KCTD3: variants seen among roughly 807,000 people sequenced by gnomAD.
KCTD3 encodes the protein BTB/POZ domain-containing protein KCTD3.
Under a neutral mutation model 85.8 loss-of-function variants are expected in KCTD3, and 41 were observed. The observed-to-expected ratio is 0.48, with a 90% confidence interval of 0.37 to 0.62. The LOEUF (loss-of-function observed/expected upper bound fraction) is 0.62. Ranked by LOEUF, KCTD3 falls within the 20% of genes least tolerant of loss-of-function variation. KCTD3 has a pLI of 0.00. For synonymous variants in KCTD3, 338 were observed against 345.4 expected (o/e 0.98, Z 0.24); for missense variants, 724 against 989.9 (o/e 0.73, Z 3.60).
At chr1:215,604,586 A>C (rs1475278075) in intron 13 of KCTD3, among the ~76,000 whole-genome samples, 1 of 152,092 alleles carries the variant, frequency 6.6e-6, no homozygotes, top group African/African-American at 2.4e-5. Flanking sequence ...CCTCTACCAA[A>C]AAAGAGGAAA....
chr1:215,619,431 AAC>A (rs1207823084), intron 17 of KCTD3, 140 bp downstream of exon 17: 1 of 729,164 alleles, frequency 1.4e-6, no homozygotes, highest in East Asian at 2.8e-5. Context: ...TTAACTTTTT[AAC>A]AGTTTTACCA....
chr1:215,591,774 C>A (rs1660236310), intron 9 of KCTD3, among the ~76,000 whole-genome samples: 1 of 152,224 alleles, frequency 6.6e-6, no homozygotes, highest in Non-Finnish European at 1.5e-5. Flanking sequence ...TCCCTTCCTT[C>A]TTGTACTGTA....
intron 4 of KCTD3, among the ~76,000 whole-genome samples, chr1:215,576,555 C>G (rs1571872369): frequency 1.3e-5 from 2 of 152,040 alleles, no homozygotes; most frequent in East Asian, 3.9e-4. Flanking sequence ...TACTGCTGTA[C>G]TGTTAACACA....
chr1:215,614,809 T>A (rs905228612), intron 15 of KCTD3, among the ~76,000 whole-genome samples: 5 of 152,234 alleles, frequency 3.3e-5, no homozygotes, highest in African/African-American at 4.8e-5. Context: ...ATGGCTGCAT[T>A]TTCAACATAT....
intron 14 of KCTD3, among the ~76,000 whole-genome samples, chr1:215,611,085 G>C (rs1046498306): frequency 2.6e-5 from 4 of 151,930 alleles, no homozygotes; most frequent in African/African-American, 9.6e-5. Context: ...TTATGTTTAA[G>C]TTTTAAACAA....
chr1:215,606,122 C>T (rs940614150), intron 13 of KCTD3, among the ~76,000 whole-genome samples: 1 of 152,192 alleles, frequency 6.6e-6, no homozygotes. Context: ...TGATAACACT[C>T]TAACCTGTTG....
intron 9 of KCTD3, among the ~76,000 whole-genome samples, chr1:215,588,375 A>G (rs1309173133): frequency 1.3e-5 from 2 of 151,522 alleles, no homozygotes; most frequent in East Asian, 2.0e-4. Context: ...TAAGACCATT[A>G]CATTCTCTGC....
intron 15 of KCTD3, among the ~76,000 whole-genome samples, chr1:215,613,544 T>A (rs1446060415): frequency 6.6e-6 from 1 of 152,220 alleles, no homozygotes; most frequent in Non-Finnish European, 1.5e-5. Flanking sequence ...TTGCAGTTGC[T>A]TTTGGAGTCT....
chr1:215,578,018 T>A lies in KCTD3; in HGVS notation c.334T>A (p.Cys112Ser). 6.2e-7 allele frequency: 1 copy of A among 1,612,170 alleles called. No homozygotes were observed. Among genetic ancestry groups the A allele is most frequent in the Non-Finnish European group, 8.5e-7 (1 of 1,178,924 alleles). ...GTTTTTAGTAAGAAGGCTTCTCTTA[T>A]GTGAAGAATTGGAGCGTTCCTCTTG... The part of the protein sequence containing the change: ...ITPLVRRLLL[C>S]EELERSSCGS... The change falls in exon 6 of 18, where the codon TGT becomes AGT. Residue 112 changes from cysteine (C) to serine (S), a missense_variant. This residue lies in a region of KCTD3 where 17 missense variants were observed against 40.4 expected (regional missense o/e 0.42). Transcript: ENST00000259154.
At chr1:215,589,493 G>A (rs544554068) in intron 9 of KCTD3, among the ~76,000 whole-genome samples, 9 of 152,038 alleles carry the variant, frequency 5.9e-5, no homozygotes, top group Non-Finnish European at 8.8e-5. Context: ...ACCTACAACC[G>A]ATAGATACTA....
At chr1:215,576,326 C>T (rs1659579746) in intron 4 of KCTD3, among the ~76,000 whole-genome samples, 1 of 151,970 alleles carries the variant, frequency 6.6e-6, no homozygotes, top group Non-Finnish European at 1.5e-5. Context: ...GCCTTAGCCT[C>T]CCAAAGTGCA....
chr1:215,620,371 G>T lies in KCTD3; in HGVS notation c.2201G>T (p.Gly734Val). 6 of 1,613,082 alleles carry T rather than the reference G, an allele frequency of 3.7e-6. No individual in the cohort carries two copies. Among genetic ancestry groups the T allele is most frequent in the African/African-American group, 2.7e-5 (2 of 74,932 alleles). The change falls in exon 18 of 18, where the codon GGT (glycine) becomes GTT (valine). Residue 734 changes from glycine (G) to valine (V), a missense_variant. By Grantham distance (109) the Gly-to-Val change is moderately radical. Around this residue, in one of 6 missense-constraint regions of KCTD3, gnomAD observed 222 missense variants for 217.7 expected, o/e 1.02. Transcript: ENST00000259154. ...TTGGAAGTGCATAAAATAGCTGAAGGTTTTTCAGAATCCAAGAAAAGGTCA... is the reference window on the plus strand; with the variant it reads ...TTGGAAGTGCATAAAATAGCTGAAGTTTTTTCAGAATCCAAGAAAAGGTCA... ...SGLEVHKIAE[G>V]FSESKKRSSE...
chr1:215,601,767 G>A (rs550997434), intron 10 of KCTD3, 100 bp from the exon 11 acceptor site: 1 of 686,776 alleles, frequency 1.5e-6, no homozygotes, highest in East Asian at 2.7e-5. Context: ...TTGGATATTG[G>A]TTGCCTCTTT....
Position 215,567,631 on chromosome 1 carries a change from C to A in KCTD3, c.-55C>A. The stretch of plus-strand genomic sequence containing the variant: ...CGCTGCCTCGGGCTACAGCCCCGGG[C>A]TCGGCGGTCCCGGCTGGGGAAGGAG... On this transcript the variant is annotated 5_prime_UTR_variant, in exon 1 of 18. Transcript: ENST00000259154. 1 of 1,129,222 alleles carries A rather than the reference C, an allele frequency of 8.9e-7. No individual in the cohort carries two copies. Among genetic ancestry groups the A allele is most frequent in the Non-Finnish European group, 1.1e-6 (1 of 898,710 alleles). The allele number at this position is 1,129,222 out of a possible 1,614,324, so 70.0% of individuals were successfully genotyped here.
intron 9 of KCTD3, among the ~76,000 whole-genome samples, chr1:215,587,256 A>G (rs1342541042): frequency 6.6e-6 from 1 of 151,858 alleles, no homozygotes; most frequent in Non-Finnish European, 1.5e-5. Flanking sequence ...CAGCCTCCCA[A>G]GTAGCTGGGA....
chr1:215,571,353 G>C (rs895640528), intron 1 of KCTD3, among the ~76,000 whole-genome samples: 1 of 152,080 alleles, frequency 6.6e-6, no homozygotes, highest in Non-Finnish European at 1.5e-5. Flanking sequence ...ATTAAGAAAC[G>C]CATTTAGGAG....
At chr1:215,596,433 G>T (rs1660418901) in intron 10 of KCTD3, among the ~76,000 whole-genome samples, 1 of 152,086 alleles carries the variant, frequency 6.6e-6, no homozygotes, top group African/African-American at 2.4e-5. Context: ...AAATTAATAA[G>T]ATTTTCCATT....
intron 10 of KCTD3, among the ~76,000 whole-genome samples, chr1:215,599,161 A>G (rs543699087): frequency 1.7e-3 from 262 of 152,330 alleles, no homozygotes; most frequent in African/African-American, 5.9e-3. Context: ...CAGCAAAACT[A>G]TCATTCAAAC....
intron 8 of KCTD3, among the ~76,000 whole-genome samples, chr1:215,580,399 T>G (rs947392671): frequency 6.6e-6 from 1 of 152,206 alleles, no homozygotes; most frequent in South Asian, 2.1e-4. Context: ...GAGAGTACAT[T>G]GGTCATAAAT....
Sources: allele counts gnomAD v4.1 joint callset (sites outside exome capture counted in the v4.1 genomes callset), GRCh38; gene constraint gnomAD v4.1.1; regional missense constraint gnomAD v4.1.1; transcripts MANE v1.5; gene names NCBI Gene and HGNC (gene_info 2026-07-23, HGNC 2026-07-21).